The following ACSM1 variants were observed in gnomAD, a reference collection of about 807,000 sequenced individuals.
ACSM1 encodes acyl-CoA synthetase medium chain family member 1.
ACSM1 carries 79 observed loss-of-function variants against 75.8 expected under a neutral mutation model. The observed-to-expected ratio is 1.04, with a 90% CI of 0.87 to 1.26. The LOEUF is 1.26. Among genes scored for constraint, ACSM1 ranks in the 50% most tolerant of loss-of-function variants. The pLI is 0.00. For missense variants in ACSM1, 676 were observed against 720.1 expected (o/e 0.94, Z 0.70); for synonymous variants, 279 against 265.8 (o/e 1.05, Z -0.48).
chr16:20,627,255 C>T lies in ACSM1; in HGVS notation c.1361G>A (p.Gly454Asp). The T allele has an allele frequency of 6.3e-7, 1 of 1,592,552 alleles. No homozygotes were observed. Among genetic ancestry groups the T allele is most frequent in the Non-Finnish European group, 8.5e-7 (1 of 1,171,486 alleles). ...CGDFYNTGDR[G>D]KMDEEGYICF... ...AATGTAGCCCTCTTCATCCATCTTA[C>T]CTCTGTCCCCAGTGTTGTAGAAGTC... Residue 454 changes from glycine to aspartate, a missense_variant, in exon 11 of 14, where the codon GGT becomes GAT. Transcript: ENST00000520010.
intron 10 of ACSM1, among the ~76,000 whole-genome samples, chr16:20,632,206 A>G (rs957590973): frequency 6.6e-6 from 1 of 152,186 alleles, no homozygotes; most frequent in Non-Finnish European, 1.5e-5. Context: ...ACTAAACCCA[A>G]GCATAGCAGA....
At chr16:20,675,049 CAG>C (rs2020184290) in intron 4 of ACSM1, among the ~76,000 whole-genome samples, 1 of 152,084 alleles carries the variant, frequency 6.6e-6, no homozygotes, top group African/African-American at 2.4e-5. Context: ...AGTTTGCTGG[CAG>C]AATGGTAAGA....
At chr16:20,654,749 C>T (rs1311062260) in intron 7 of ACSM1, among the ~76,000 whole-genome samples, 5 of 152,166 alleles carry the variant, frequency 3.3e-5, no homozygotes, top group Non-Finnish European at 1.5e-5. Context: ...AGTCAGGAAA[C>T]AGGTGCTAGA....
At chr16:20,673,628 C>T (rs1325077627) in intron 4 of ACSM1, among the ~76,000 whole-genome samples, 2 of 152,104 alleles carry the variant, frequency 1.3e-5, no homozygotes, top group Admixed American at 1.3e-4. Context: ...CTTCACTTTG[C>T]CCCCAGGTGT....
chr16:20,636,060 T>C (rs1399077298), intron 10 of ACSM1, among the ~76,000 whole-genome samples: 2 of 152,150 alleles, frequency 1.3e-5, no homozygotes, highest in South Asian at 4.1e-4. Context: ...AACCACAGTG[T>C]GAGGATGGCA....
chr16:20,672,808 T>G (rs1196214551), intron 4 of ACSM1, among the ~76,000 whole-genome samples: 3 of 117,156 alleles, frequency 2.6e-5, no homozygotes, highest in Admixed American at 9.5e-5. Flanking sequence ...ATGTATAATA[T>G]ATAATATATA....
chr16:20,677,301 T>C (rs114826268), intron 4 of ACSM1, among the ~76,000 whole-genome samples: 3 of 151,938 alleles, frequency 2.0e-5, no homozygotes, highest in African/African-American at 7.2e-5. Context: ...CTTATCTTCT[T>C]GTATGCCCAT....
chr16:20,671,479 A>ACAC, intron 5 of ACSM1, 52 bp downstream of exon 5: 2 of 1,509,766 alleles, frequency 1.3e-6, no homozygotes, highest in South Asian at 1.3e-5. Flanking sequence ...ACACACACAC[A>ACAC]AACTTTGCCC....
At position 20,648,151 on chromosome 16, in the gene ACSM1, C is replaced by G. The variant is rs2018461851; in HGVS notation, c.993-7567G>C. Reference sequence around the variant, plus strand: ...CTGGTGTTGGGCCTGATAACCCCAACATTTCTATGCCTTTCTCATATCCAG... The same window carrying G: ...CTGGTGTTGGGCCTGATAACCCCAAGATTTCTATGCCTTTCTCATATCCAG... On this transcript the variant is annotated intron_variant, in intron 7 of 13. Coordinates refer to ENST00000520010, the MANE Select transcript of ACSM1 (RefSeq NM_001318890.3). This position sits in a 1 kb window ranked among gnomAD's most constrained non-coding sequence, Gnocchi z 4.2. 6.6e-6 allele frequency among the ~76,000 whole-genome samples: 1 copy of G among 152,218 alleles called. No homozygotes were observed. The highest frequency in any genetic ancestry group is 2.1e-4 in the South Asian group (1 of 4,832).
At chr16:20,672,325 A>G (rs1368362433) in intron 4 of ACSM1, among the ~76,000 whole-genome samples, 1 of 149,550 alleles carries the variant, frequency 6.7e-6, no homozygotes, top group Non-Finnish European at 1.5e-5. Context: ...GTGGGCGCTT[A>G]TACTCCCAGC....
At chr16:20,663,728 T>C (rs1042358676) in intron 6 of ACSM1, among the ~76,000 whole-genome samples, 1 of 151,632 alleles carries the variant, frequency 6.6e-6, no homozygotes, top group African/African-American at 2.4e-5. Flanking sequence ...GCTGCCTTAA[T>C]TGCTGGTATC....
chr16:20,633,456 T>C (rs2017471738), intron 10 of ACSM1, among the ~76,000 whole-genome samples: 1 of 152,150 alleles, frequency 6.6e-6, no homozygotes, highest in South Asian at 2.1e-4. Flanking sequence ...GTAGTACTCA[T>C]AATAAATTTA....
chr16:20,691,213 GCA>G lies in ACSM1; in HGVS notation c.-27_-26del. 6.5e-7 allele frequency: 1 copy of G among 1,530,924 alleles called. No homozygotes were observed. The highest frequency in any genetic ancestry group is 1.3e-5 in the South Asian group (1 of 77,780). 94.8% of individuals were successfully genotyped at this position (1,530,924 alleles called of 1,614,324 possible). On this transcript the variant is annotated 5_prime_UTR_variant, in exon 2 of 14. Coordinates refer to ENST00000520010, the MANE Select transcript of ACSM1 (RefSeq NM_001318890.3). ...TGGTGAAACAGTCCTCAGAAACCAGGCACAGAGTTCTCAAGTCACCACCTGCC... is the reference window on the plus strand; with the variant it reads ...TGGTGAAACAGTCCTCAGAAACCAGGCAGAGTTCTCAAGTCACCACCTGCC...
At chr16:20,663,625 A>G (rs938436484) in intron 6 of ACSM1, among the ~76,000 whole-genome samples, 10 of 152,116 alleles carry the variant, frequency 6.6e-5, no homozygotes, top group African/African-American at 2.4e-4. Context: ...TGTGATTGCT[A>G]TGTTTGACTA....
rs528742963 is a variant in ACSM1 at position 20,672,448 on chromosome 16, C to CAAAAAAAAAA, written c.612-787_612-778dup. The stretch of plus-strand genomic sequence containing the variant: ...TGGGTGACAGAGCAAAACTCCATCT[C>CAAAAAAAAAA]AAAAAAAAAAAAAAAAAAAAAAAAT... On this transcript the variant is annotated intron_variant, in intron 4 of 13. Transcript: ENST00000520010. Among the ~76,000 whole-genome samples, 2 of 21,924 alleles carry CAAAAAAAAAA rather than the reference C, an allele frequency of 9.1e-5. 1 individual carries two copies. The highest frequency in any genetic ancestry group is 5.3e-4 in the African/African-American group (2 of 3,776). 14.4% of individuals were successfully genotyped at this position (21,924 alleles called of 152,430 possible). A position where few individuals can be genotyped will look rare whatever the true frequency, so the allele number is the denominator to read the frequency against.
chr16:20,636,870 TGCAGGAGGCCGCA>T lies in ACSM1; in HGVS notation c.1198-43_1198-31del, dbSNP rs774452743. ...AGCAAGAGGCCTGTGAATCATACAC[TGCAGGAGGCCGCA>T]GCCCTTCTGCCCCACCCAAGCACTG... On this transcript the variant is annotated intron_variant, in intron 9 of 13. Coordinates refer to ENST00000520010, the MANE Select transcript of ACSM1 (RefSeq NM_001318890.3). 1.3e-5 allele frequency: 20 copies of T among 1,565,394 alleles called. No homozygotes were observed. In the Admixed American group the frequency reaches 3.3e-4, roughly 26 times the overall value.
chr16:20,632,811 GA>G (rs138110849), intron 10 of ACSM1, among the ~76,000 whole-genome samples: 19,493 of 152,102 alleles, frequency 0.13, 1,589 homozygotes, highest in South Asian at 0.2. Flanking sequence ...ACCAAATCCA[GA>G]AACACTTTAA....
chr16:20,636,610 G>C (rs546115547), intron 10 of ACSM1, 129 bp downstream of exon 10: 1 of 679,160 alleles, frequency 1.5e-6, no homozygotes, highest in Non-Finnish European at 2.6e-6. Flanking sequence ...GGTGAGCTTC[G>C]AGTTGAATGA....
chr16:20,672,903 A>G (rs1401041302), intron 4 of ACSM1, among the ~76,000 whole-genome samples: 1 of 130,000 alleles, frequency 7.7e-6, no homozygotes, highest in African/African-American at 3.0e-5. Context: ...TAATAAATAT[A>G]AATATATATA....
Sources: gnomAD v4.1 joint callset for allele counts (sites outside exome capture counted in the v4.1 genomes callset) on GRCh38, gnomAD v4.1.1 for gene constraint, Gnocchi (gnomAD v3.1) non-coding constraint, MANE v1.5 for transcripts, NCBI Gene and HGNC (gene_info 2026-07-23, HGNC 2026-07-21) for gene names.